ARHGAP26: variants seen among roughly 807,000 people sequenced by gnomAD.
The protein encoded by ARHGAP26 is rho GTPase-activating protein 26.
In ARHGAP26, 38 loss-of-function variants were observed where a neutral mutation model predicts 104.8. The observed-to-expected ratio is 0.36, with a 90% CI of 0.28 to 0.48. The LOEUF (loss-of-function observed/expected upper bound fraction) is 0.48, where lower values mean the gene tolerates loss of function less well. Ranked by LOEUF, ARHGAP26 falls within the 20% of genes least tolerant of loss-of-function variation. The probability of loss-of-function intolerance (pLI) is 0.99; values close to 1 mark genes in which losing one functional copy is unlikely to be tolerated. For missense variants in ARHGAP26, 704 were observed against 947.9 expected, an observed-to-expected ratio of 0.74 and a Z score of 3.38; for synonymous variants, 341 against 340.0, an observed-to-expected ratio of 1.00 and a Z score of -0.03.
chr5:142,912,433 G>A (rs1398304570), intron 9 of ARHGAP26, among the ~76,000 whole-genome samples: 1 of 152,180 alleles, frequency 6.6e-6, no homozygotes, highest in East Asian at 1.9e-4. Flanking sequence ...GATTGCCAGG[G>A]GATACAAGGA....
chr5:142,808,089 G>C (rs1206178464), intron 1 of ARHGAP26, among the ~76,000 whole-genome samples: 1 of 151,664 alleles, frequency 6.6e-6, no homozygotes, highest in Non-Finnish European at 1.5e-5. Flanking sequence ...CAAAAAATTA[G>C]CCAGGCGTGG....
At chr5:143,080,001 C>T (rs1789571529) in intron 17 of ARHGAP26, among the ~76,000 whole-genome samples, 2 of 152,132 alleles carry the variant, frequency 1.3e-5, no homozygotes, top group Admixed American at 6.5e-5. Context: ...AGGAGTATGA[C>T]CTACCTCTGG....
chr5:143,049,721 T>A (rs1231691576), intron 14 of ARHGAP26, among the ~76,000 whole-genome samples: 1 of 152,234 alleles, frequency 6.6e-6, no homozygotes, highest in Non-Finnish European at 1.5e-5. Context: ...GGAGGGGTAT[T>A]GTACATAATT....
At chr5:142,891,306 A>T (rs1165242096) in intron 5 of ARHGAP26, among the ~76,000 whole-genome samples, 1 of 151,920 alleles carries the variant, frequency 6.6e-6, no homozygotes. Context: ...CCCTGATTGG[A>T]AGTCTTAGAA....
chr5:143,034,644 G>C (rs1015636292), intron 12 of ARHGAP26, among the ~76,000 whole-genome samples: 2 of 152,052 alleles, frequency 1.3e-5, no homozygotes, highest in African/African-American at 4.8e-5. Context: ...AAAATGTTCT[G>C]GAGTTAGATA....
intron 16 of ARHGAP26, among the ~76,000 whole-genome samples, chr5:143,056,608 A>AT (rs1382799607): frequency 6.6e-6 from 1 of 152,084 alleles, no homozygotes; most frequent in Non-Finnish European, 1.5e-5. Context: ...TCCTGGTGTC[A>AT]TATTACTGGT....
chr5:142,902,301 G>A (rs150630518), intron 7 of ARHGAP26, among the ~76,000 whole-genome samples: 96 of 152,238 alleles, frequency 6.3e-4, no homozygotes, highest in Non-Finnish European at 1.0e-3. Context: ...AATTTGTAGC[G>A]TCTGTAGCAT....
rs2088937284 is a variant in ARHGAP26 at position 143,180,451 on chromosome 5, T to C, written c.1989-26747T>C. Reference sequence around the variant, plus strand: ...CTTAACTCCAGTTGATCTTGTCCCTTTCTGTAGTTCCATTTATCAGCAACA... The same window carrying C: ...CTTAACTCCAGTTGATCTTGTCCCTCTCTGTAGTTCCATTTATCAGCAACA... On this transcript the variant is annotated intron_variant, in intron 20 of 22. Transcript: ENST00000645722. 2.0e-5 allele frequency among the ~76,000 whole-genome samples: 3 copies of C among 152,212 alleles called. No homozygotes were observed. In the South Asian group the frequency reaches 6.2e-4, roughly 32 times the overall value.
At chr5:142,999,692 C>A (rs1450700200) in intron 11 of ARHGAP26, among the ~76,000 whole-genome samples, 1 of 151,908 alleles carries the variant, frequency 6.6e-6, no homozygotes, top group African/African-American at 2.4e-5. Context: ...AAACATAGGA[C>A]AAAATCTATG....
At chr5:143,001,323 T>C (rs1395303342) in intron 11 of ARHGAP26, among the ~76,000 whole-genome samples, 1 of 152,218 alleles carries the variant, frequency 6.6e-6, no homozygotes, top group Non-Finnish European at 1.5e-5. Context: ...TTATTGTATG[T>C]ACATTTTACA....
At chr5:143,202,851 G>T (rs1807977282) in intron 20 of ARHGAP26, 1 of 152,176 alleles carries the variant, frequency 6.6e-6, no homozygotes. Flanking sequence ...AATAAATGCT[G>T]TTGGGAAAAT....
chr5:142,951,384 G>T (rs1202114123), intron 11 of ARHGAP26, among the ~76,000 whole-genome samples: 1 of 152,180 alleles, frequency 6.6e-6, no homozygotes, highest in Non-Finnish European at 1.5e-5. Flanking sequence ...AATGGTAGTT[G>T]TTTTAGGGAC....
intron 5 of ARHGAP26, among the ~76,000 whole-genome samples, chr5:142,887,095 C>A (rs528367433): frequency 2.0e-4 from 31 of 152,306 alleles, no homozygotes; most frequent in African/African-American, 7.0e-4. Context: ...AGGCCCACAG[C>A]ACAGTTACCC....
intron 11 of ARHGAP26, chr5:142,947,221 A>G (rs139229094): frequency 1.6e-3 from 250 of 151,574 alleles, no homozygotes; most frequent in African/African-American, 5.7e-3. Context: ...AGTTTTCACT[A>G]TAAATCTAAA....
At chr5:143,112,377 G>A (rs1794884691) in intron 17 of ARHGAP26, among the ~76,000 whole-genome samples, 1 of 152,186 alleles carries the variant, frequency 6.6e-6, no homozygotes, top group South Asian at 2.1e-4. Context: ...AGAGTACAGG[G>A]ACTGGGTAGA....
In ARHGAP26 at chr5:143,173,363, C is replaced by T. The variant is rs566907935; in HGVS notation, c.1988+25982C>T. 1.5e-4 allele frequency among the ~76,000 whole-genome samples: 23 copies of T among 152,284 alleles called. No individual in the cohort carries two copies. In the South Asian group the frequency reaches 4.6e-3, roughly 30 times the overall value. Reference sequence around the variant, plus strand: ...TGCTGCATGCCTGAGAAGTAACAAACCATTCTGCAGGGTGTGCAGGAGCCA... The same window carrying T: ...TGCTGCATGCCTGAGAAGTAACAAATCATTCTGCAGGGTGTGCAGGAGCCA... On this transcript the variant is annotated intron_variant, in intron 20 of 22. Coordinates refer to ENST00000645722, the MANE Select transcript of ARHGAP26 (RefSeq NM_001135608.3).
At chr5:143,148,288 G>A (rs368505956) in intron 20 of ARHGAP26, among the ~76,000 whole-genome samples, 2 of 152,064 alleles carry the variant, frequency 1.3e-5, no homozygotes, top group African/African-American at 4.8e-5. Flanking sequence ...CTAGGATGTC[G>A]GTAACCTTTT....
chr5:143,035,264 C>A (rs1184104907), intron 12 of ARHGAP26, among the ~76,000 whole-genome samples: 3 of 152,122 alleles, frequency 2.0e-5, no homozygotes, highest in African/African-American at 7.2e-5. Flanking sequence ...GCACAATTCA[C>A]AATTGCAGAA....
At chr5:143,070,354 G>A (rs1788069922) in intron 17 of ARHGAP26, among the ~76,000 whole-genome samples, 1 of 152,112 alleles carries the variant, frequency 6.6e-6, no homozygotes, top group African/African-American at 2.4e-5. Flanking sequence ...AAGAACACTG[G>A]CAAACATGTA....
Sources: gnomAD v4.1 joint callset for allele counts (sites outside exome capture counted in the v4.1 genomes callset) on GRCh38, gnomAD v4.1.1 for gene constraint, MANE v1.5 for transcripts, NCBI Gene and HGNC (gene_info 2026-07-23, HGNC 2026-07-21) for gene names.